Variants in ADGRL3 observed in about 807,000 individuals in gnomAD.
The protein encoded by ADGRL3 is calcium-independent alpha-latrotoxin receptor 3.
Under a neutral mutation model 153.5 loss-of-function variants are expected in ADGRL3, and 62 were observed. The observed-to-expected ratio is 0.40, with a 90% CI of 0.33 to 0.50. The LOEUF (loss-of-function observed/expected upper bound fraction) is 0.50, where lower values mean the gene tolerates loss of function less well. ADGRL3 is among the 20% of genes least tolerant of loss of function. The pLI is 0.47. For synonymous variants in ADGRL3, 710 were observed against 672.5 expected (o/e 1.06, Z -0.86); for missense variants, 1,641 against 1,859.4 (o/e 0.88, Z 2.16).
chr4:61,286,033 C>T (rs1426420200), intron 1 of ADGRL3, among the ~76,000 whole-genome samples: 1 of 151,526 alleles, frequency 6.6e-6, no homozygotes, highest in Non-Finnish European at 1.5e-5. Context: ...AGTTGTTTCA[C>T]TACAGAAAAG....
At chr4:61,428,294 A>G (rs1251652162) in intron 2 of ADGRL3, 1 of 152,302 alleles carries the variant, frequency 6.6e-6, no homozygotes, top group Admixed American at 6.5e-5. Context: ...TGGTGAGCCC[A>G]CTCATAACAT....
chr4:61,831,377 C>T (rs1206627982), intron 9 of ADGRL3, among the ~76,000 whole-genome samples: 5 of 65,136 alleles, frequency 7.7e-5, no homozygotes, highest in African/African-American at 1.3e-4. Context: ...AGCTAAAAAA[C>T]GTCATGAAGA....
In ADGRL3 at chr4:61,847,744, ATATAT is replaced by A. The variant is rs1201058771; in HGVS notation, c.1480+33861_1480+33865del. On this transcript the variant is annotated intron_variant, in intron 9 of 26. Transcript: ENST00000683033. The stretch of plus-strand genomic sequence containing the variant: ...AAATATATTATATATATAATACAAA[ATATAT>A]TATATATAATACAAAATATATATAT... Among the ~76,000 whole-genome samples, 15 of 44,342 alleles carry A rather than the reference ATATAT, an allele frequency of 3.4e-4. 1 individual carries two copies. Among genetic ancestry groups the A allele is most frequent in the Non-Finnish European group, 5.0e-4 (13 of 25,922 alleles). 29.1% of individuals were successfully genotyped at this position (44,342 alleles called of 152,430 possible). A position where few individuals can be genotyped will look rare whatever the true frequency, so the allele number is the denominator to read the frequency against.
chr4:61,708,917 C>A (rs1033303130), intron 6 of ADGRL3, among the ~76,000 whole-genome samples: 94 of 152,120 alleles, frequency 6.2e-4, no homozygotes, highest in African/African-American at 2.3e-3. Context: ...TCAAGTGATT[C>A]TCCTACCTCA....
rs545522035 is a variant in ADGRL3, at chr4:61,898,538, T to C, written c.1887+2704T>C. The stretch of plus-strand genomic sequence containing the variant: ...GCTTGAGGAGATGGTGTCTGATTTA[T>C]GTAAGGCCCAAGATTGGCTGGACCA... On this transcript the variant is annotated intron_variant, in intron 11 of 26. Coordinates refer to ENST00000683033, the MANE Select transcript of ADGRL3 (RefSeq NM_001387552.1). Among the ~76,000 whole-genome samples the C allele has an allele frequency of 3.9e-5, 6 of 151,968 alleles. No individual in the cohort carries two copies. The East Asian group carries it at 7.8e-4, about 20-fold the overall frequency.
chr4:61,349,242 G>A (rs1274349798), intron 1 of ADGRL3, among the ~76,000 whole-genome samples: 1 of 151,804 alleles, frequency 6.6e-6, no homozygotes, highest in Non-Finnish European at 1.5e-5. Flanking sequence ...CTTTTATATT[G>A]GTGTTCAGAA....
At chr4:61,800,449 AT>A (rs796257203) in intron 8 of ADGRL3, among the ~76,000 whole-genome samples, 1 of 152,128 alleles carries the variant, frequency 6.6e-6, no homozygotes, top group Admixed American at 6.6e-5. Context: ...TCATAAGTCT[AT>A]TGTAGAGGGT....
intron 19 of ADGRL3, among the ~76,000 whole-genome samples, chr4:61,992,718 AT>A (rs1416806619): frequency 4.6e-5 from 7 of 152,146 alleles, no homozygotes; most frequent in Non-Finnish European, 1.0e-4. Flanking sequence ...TAGATATAAA[AT>A]TTTTTCTCAA....
intron 17 of ADGRL3, among the ~76,000 whole-genome samples, chr4:61,966,193 CTTATA>C (rs1333379243): frequency 2.6e-5 from 4 of 152,094 alleles, no homozygotes; most frequent in Non-Finnish European, 4.4e-5. Context: ...TATATTTATA[CTTATA>C]TTGTTTTGTT....
intron 4 of ADGRL3, among the ~76,000 whole-genome samples, chr4:61,522,101 G>T (rs1021534759): frequency 6.6e-6 from 1 of 152,068 alleles, no homozygotes; most frequent in Non-Finnish European, 1.5e-5. Flanking sequence ...GGATATAGTG[G>T]AGCCAAGATT....
intron 6 of ADGRL3, among the ~76,000 whole-genome samples, chr4:61,690,821 G>T (rs998959909): frequency 2.0e-5 from 3 of 151,946 alleles, no homozygotes; most frequent in African/African-American, 7.3e-5. Flanking sequence ...GTCTTGTCCT[G>T]CTCTGTTACT....
At chr4:61,517,654 A>T in intron 4 of ADGRL3, 136 bp downstream of exon 4, 1 of 617,996 alleles carries the variant, frequency 1.6e-6, no homozygotes, top group Admixed American at 2.5e-5. Flanking sequence ...TGATATTACC[A>T]CTTAGTGATA....
At chr4:61,865,544 C>T (rs1346215472) in intron 9 of ADGRL3, among the ~76,000 whole-genome samples, 3 of 152,180 alleles carry the variant, frequency 2.0e-5, no homozygotes, top group Non-Finnish European at 4.4e-5. Flanking sequence ...CTTTGCACCA[C>T]AAACATTACT....
chr4:61,331,669 GTTATCT>G (rs1279710171), intron 1 of ADGRL3, among the ~76,000 whole-genome samples: 1 of 151,950 alleles, frequency 6.6e-6, no homozygotes, highest in Non-Finnish European at 1.5e-5. Context: ...TTTGTATTTA[GTTATCT>G]TTAAGTACTA....
At chr4:61,779,721 G>C (rs1293612574) in intron 8 of ADGRL3, among the ~76,000 whole-genome samples, 2 of 145,168 alleles carry the variant, frequency 1.4e-5, no homozygotes, top group Admixed American at 1.4e-4. Context: ...ACAAAATATA[G>C]TAAAAATATG....
At chr4:61,481,319 T>G (rs1177381959) in intron 2 of ADGRL3, among the ~76,000 whole-genome samples, 2 of 152,116 alleles carry the variant, frequency 1.3e-5, no homozygotes, top group Non-Finnish European at 2.9e-5. Flanking sequence ...CTGTAAATAG[T>G]GTGTGATATC....
At chr4:62,002,123 C>T (rs887444033) in intron 21 of ADGRL3, among the ~76,000 whole-genome samples, 1 of 151,742 alleles carries the variant, frequency 6.6e-6, no homozygotes, top group African/African-American at 2.4e-5. Context: ...TTGTCCCTGC[C>T]TTCACTGGCT....
intron 5 of ADGRL3, among the ~76,000 whole-genome samples, chr4:61,600,732 T>C (rs997686554): frequency 2.6e-5 from 4 of 152,208 alleles, no homozygotes; most frequent in African/African-American, 9.6e-5. Context: ...TTTGATAATG[T>C]TTATTTTTCT....
chr4:61,521,120 T>C (rs1003136431), intron 4 of ADGRL3, among the ~76,000 whole-genome samples: 1 of 152,260 alleles, frequency 6.6e-6, no homozygotes, highest in East Asian at 1.9e-4. Context: ...ATACCTATTA[T>C]AGGGGTGAGA....
Sources: allele counts gnomAD v4.1 joint callset (sites outside exome capture counted in the v4.1 genomes callset), GRCh38; gene constraint gnomAD v4.1.1; transcripts MANE v1.5; gene names NCBI Gene and HGNC (gene_info 2026-07-23, HGNC 2026-07-21).